Variants in RBFOX1 observed in about 807,000 individuals in gnomAD.
RBFOX1 encodes RNA binding fox-1 homolog 1, also known as RNA binding protein fox-1 homolog 1.
Under a neutral mutation model 57.7 loss-of-function variants are expected in RBFOX1, and 8 were observed. The ratio of observed to expected loss-of-function variants is 0.14; its 90% CI spans 0.08 to 0.25. The LOEUF (loss-of-function observed/expected upper bound fraction) is 0.25, where lower values mean the gene tolerates loss of function less well. Ranked by LOEUF, RBFOX1 falls within the 10% of genes least tolerant of loss-of-function variation. RBFOX1 has a pLI of 1.00. For synonymous variants in RBFOX1, 326 were observed against 222.4 expected, an observed-to-expected ratio of 1.47 and a Z score of -4.15; for missense variants, 611 against 548.5, an observed-to-expected ratio of 1.11 and a Z score of -1.14.
chr16:5,753,934 C>A (rs1165191706), intron 3 of RBFOX1, among the ~76,000 whole-genome samples: 1 of 152,198 alleles, frequency 6.6e-6, no homozygotes, highest in East Asian at 1.9e-4. Context: ...TGTCCATCCC[C>A]CACTCCTCTC....
chr16:6,964,667 C>A (rs1568117883), intron 3 of RBFOX1, among the ~76,000 whole-genome samples: 1 of 152,154 alleles, frequency 6.6e-6, no homozygotes, highest in Non-Finnish European at 1.5e-5. Flanking sequence ...CAAACTCATT[C>A]CTTCCCAGGA....
chr16:6,443,225 G>A (rs1357808364), intron 2 of RBFOX1, among the ~76,000 whole-genome samples: 1 of 152,140 alleles, frequency 6.6e-6, no homozygotes, highest in Non-Finnish European at 1.5e-5. Flanking sequence ...TCTCAAAGGT[G>A]TGAAGATTTC....
intron 3 of RBFOX1, among the ~76,000 whole-genome samples, chr16:5,770,070 C>G (rs1227047024): frequency 6.6e-6 from 1 of 152,128 alleles, no homozygotes; most frequent in Non-Finnish European, 1.5e-5. Flanking sequence ...GAATGTGGCT[C>G]TAGCCAGAGT....
intron 3 of RBFOX1, among the ~76,000 whole-genome samples, chr16:5,721,583 A>G (rs1040369947): frequency 2.0e-5 from 3 of 152,154 alleles, no homozygotes; most frequent in Non-Finnish European, 4.4e-5. Flanking sequence ...GCCATTGCGT[A>G]TGATGCCACC....
At chr16:6,570,310 C>G (rs1461932081) in intron 2 of RBFOX1, among the ~76,000 whole-genome samples, 1 of 152,122 alleles carries the variant, frequency 6.6e-6, no homozygotes, top group Non-Finnish European at 1.5e-5. Context: ...TGTTTTAACT[C>G]TCAATGTATG....
chr16:6,394,819 T>G (rs1160792345), intron 2 of RBFOX1, among the ~76,000 whole-genome samples: 3 of 152,162 alleles, frequency 2.0e-5, no homozygotes, highest in Admixed American at 2.0e-4. Flanking sequence ...CCTAAGTCCT[T>G]GGTGAAAAGA....
intron 4 of RBFOX1, among the ~76,000 whole-genome samples, chr16:7,241,846 A>C (rs1456707539): frequency 6.6e-6 from 1 of 152,010 alleles, no homozygotes; most frequent in African/African-American, 2.4e-5. Flanking sequence ...TTAAATATGT[A>C]AATATGTATA....
chr16:7,632,106 C>T (rs1313822467), intron 11 of RBFOX1, among the ~76,000 whole-genome samples: 1 of 152,070 alleles, frequency 6.6e-6, no homozygotes, highest in Non-Finnish European at 1.5e-5. Context: ...ATGAGGTTTC[C>T]CCATCTTGGC....
intron 1 of RBFOX1, among the ~76,000 whole-genome samples, chr16:5,295,676 A>G (rs2063649097): frequency 1.3e-5 from 2 of 152,214 alleles, no homozygotes; most frequent in Admixed American, 6.5e-5. Context: ...AAAGCCAGCA[A>G]GACAGACAGT....
chr16:5,874,153 A>C (rs2151907684), intron 4 of RBFOX1, among the ~76,000 whole-genome samples: 1 of 152,334 alleles, frequency 6.6e-6, no homozygotes, highest in East Asian at 1.9e-4. Flanking sequence ...TGCCATCATT[A>C]GTGTCCTTAA....
chr16:6,110,195 C>CTTTTTTTTTTTTTTTT (rs3049169), intron 1 of RBFOX1, among the ~76,000 whole-genome samples: 2 of 128,262 alleles, frequency 1.6e-5, no homozygotes, highest in Non-Finnish European at 3.2e-5. Context: ...TTTTCTTCTT[C>CTTTTTTTTTTTTTTTT]TTTTTTTTTT....
At chr16:6,956,564 C>G (rs546780053) in intron 3 of RBFOX1, among the ~76,000 whole-genome samples, 3 of 152,120 alleles carry the variant, frequency 2.0e-5, no homozygotes, top group African/African-American at 7.2e-5. Context: ...GCAGTTGTAC[C>G]TCTTGCCTCT....
chr16:7,537,519 C>G (rs1279148247), intron 5 of RBFOX1, among the ~76,000 whole-genome samples: 2 of 152,192 alleles, frequency 1.3e-5, no homozygotes, highest in African/African-American at 2.4e-5. Context: ...CTTATAACCA[C>G]AACTTCACAC....
intron 1 of RBFOX1, among the ~76,000 whole-genome samples, chr16:5,416,543 T>C (rs2067163778): frequency 6.6e-6 from 1 of 152,164 alleles, no homozygotes; most frequent in East Asian, 1.9e-4. Context: ...TGTAATTGCA[T>C]AGGTTATAGA....
chr16:7,444,903 G>C (rs563355346), intron 4 of RBFOX1, among the ~76,000 whole-genome samples: 1 of 152,102 alleles, frequency 6.6e-6, no homozygotes, highest in Non-Finnish European at 1.5e-5. Context: ...CAGTTACTAC[G>C]CGTAACAGCT....
At chr16:6,730,598 C>G (rs909889090) in intron 3 of RBFOX1, among the ~76,000 whole-genome samples, 5 of 152,144 alleles carry the variant, frequency 3.3e-5, no homozygotes, top group Non-Finnish European at 7.3e-5. Context: ...GGATTGGATT[C>G]AGAGATGATA....
chr16:5,591,259 T>C (rs1399102063), intron 2 of RBFOX1, among the ~76,000 whole-genome samples: 1 of 151,946 alleles, frequency 6.6e-6, no homozygotes, highest in East Asian at 1.9e-4. Context: ...AACCTTTTTT[T>C]TTTTTTTTTG....
chr16:5,330,235 A>C (rs1318927704), intron 1 of RBFOX1, among the ~76,000 whole-genome samples: 1 of 152,214 alleles, frequency 6.6e-6, no homozygotes, highest in Non-Finnish European at 1.5e-5. Context: ...TAGTAAGTAG[A>C]AGAACCAGGA....
chr16:7,191,604 T>G (rs2085400075), intron 4 of RBFOX1, among the ~76,000 whole-genome samples: 1 of 152,248 alleles, frequency 6.6e-6, no homozygotes, highest in African/African-American at 2.4e-5. Flanking sequence ...ACATTTAAAT[T>G]TAATAAGCAA....
Sources: allele counts gnomAD v4.1 joint callset (sites outside exome capture counted in the v4.1 genomes callset), GRCh38; gene constraint gnomAD v4.1.1; transcripts MANE v1.5; gene names NCBI Gene and HGNC (gene_info 2026-07-23, HGNC 2026-07-21).